VPS54: variants seen among roughly 807,000 people sequenced by gnomAD.
The protein encoded by VPS54 is VPS54 subunit of GARP complex, also known as vacuolar protein sorting-associated protein 54.
VPS54 carries 45 observed loss-of-function variants against 121.5 expected under a neutral mutation model. The observed-to-expected ratio is 0.37, with a 90% CI of 0.29 to 0.47. VPS54 has a LOEUF of 0.47. VPS54 is among the 20% of genes least tolerant of loss of function. VPS54 has a pLI of 0.99. For synonymous variants in VPS54, 371 were observed against 385.8 expected, an observed-to-expected ratio of 0.96 and a Z score of 0.45; for missense variants, 1,090 against 1,131.4, an observed-to-expected ratio of 0.96 and a Z score of 0.52.
chr2:63,909,656 G>A (rs1265240152), intron 20 of VPS54, among the ~76,000 whole-genome samples: 4 of 150,290 alleles, frequency 2.7e-5, no homozygotes, highest in Admixed American at 6.6e-5. Flanking sequence ...CTGACCTCAC[G>A]ATCCACCCAC....
chr2:63,954,708 C>T lies in VPS54; in HGVS notation c.1011-5545G>A, dbSNP rs551032877. On this transcript the variant is annotated intron_variant, in intron 7 of 22. Transcript: ENST00000272322. ...AATACACACCACTGTCTATTAGGTG[C>T]TCTTGTTAAAAAGTAAAATTTAAAG... Among the ~76,000 whole-genome samples, 23 of 152,142 alleles carry T rather than the reference C, an allele frequency of 1.5e-4. No homozygotes were observed. The South Asian group carries it at 4.6e-3, about 30-fold the overall frequency.
At chr2:63,966,814 C>A in intron 5 of VPS54, among the ~76,000 whole-genome samples, 1 of 152,210 alleles carries the variant, frequency 6.6e-6, no homozygotes, top group East Asian at 1.9e-4. Flanking sequence ...ATTCAATTCT[C>A]TTCCATACTC....
chr2:64,003,894 A>G (rs921869452), intron 1 of VPS54, among the ~76,000 whole-genome samples: 2 of 152,196 alleles, frequency 1.3e-5, no homozygotes, highest in African/African-American at 4.8e-5. Context: ...TGGTGCCCAG[A>G]CTTCTGTTTC....
At chr2:63,960,239 G>T (rs1385386938) in intron 7 of VPS54, among the ~76,000 whole-genome samples, 1 of 151,874 alleles carries the variant, frequency 6.6e-6, no homozygotes, top group Non-Finnish European at 1.5e-5. Context: ...ACCCTGTCTC[G>T]AAATAAATAC....
chr2:63,910,972 G>T (rs2104428526), intron 20 of VPS54, among the ~76,000 whole-genome samples: 1 of 152,230 alleles, frequency 6.6e-6, no homozygotes, highest in South Asian at 2.1e-4. Context: ...GCAGTGGGGT[G>T]ATCACAGCTC....
intron 7 of VPS54, among the ~76,000 whole-genome samples, chr2:63,954,083 C>T (rs1028280136): frequency 3.9e-4 from 60 of 152,136 alleles, no homozygotes; most frequent in African/African-American, 1.4e-3. Context: ...GTAGCAAGAA[C>T]ATGCCTACTA....
chr2:63,914,683 C>T (rs141410625), intron 16 of VPS54, among the ~76,000 whole-genome samples: 170 of 152,082 alleles, frequency 1.1e-3, no homozygotes, highest in African/African-American at 4.0e-3. Context: ...AAAGCCTATC[C>T]AGTGTTTCTG....
At chr2:64,004,840 A>T (rs1678049813) in intron 1 of VPS54, among the ~76,000 whole-genome samples, 1 of 152,120 alleles carries the variant, frequency 6.6e-6, no homozygotes, top group Non-Finnish European at 1.5e-5. Flanking sequence ...GTGCAGTGAC[A>T]TAATCACAGC....
intron 21 of VPS54, among the ~76,000 whole-genome samples, chr2:63,898,108 A>C (rs1185093493): frequency 6.6e-6 from 1 of 152,224 alleles, no homozygotes; most frequent in Non-Finnish European, 1.5e-5. Flanking sequence ...TAATCTATGG[A>C]AGTTTTGTGG....
At chr2:63,897,441 GATC>G (rs1672492501) in intron 22 of VPS54, 52 bp downstream of exon 22, 2 of 1,231,058 alleles carry the variant, frequency 1.6e-6, no homozygotes, top group African/African-American at 1.5e-5. Context: ...AATCAAAACT[GATC>G]ATTAAAACAA....
chr2:63,909,077 T>C (rs377092446), intron 20 of VPS54, among the ~76,000 whole-genome samples: 1 of 152,170 alleles, frequency 6.6e-6, no homozygotes, highest in East Asian at 1.9e-4. Flanking sequence ...TCATAAAACT[T>C]TCCCAGATCT....
At chr2:63,958,096 T>G (rs1168577736) in intron 7 of VPS54, among the ~76,000 whole-genome samples, 2 of 152,172 alleles carry the variant, frequency 1.3e-5, no homozygotes, top group African/African-American at 2.4e-5. Flanking sequence ...ATTCACAGAT[T>G]TCACAAATAC....
chr2:64,010,684 C>G (rs1290421361), intron 1 of VPS54, among the ~76,000 whole-genome samples: 1 of 151,912 alleles, frequency 6.6e-6, no homozygotes. Flanking sequence ...TATCATTTGA[C>G]AAAATCTAGT....
At chr2:63,927,346 C>T (rs151035560) in intron 12 of VPS54, among the ~76,000 whole-genome samples, 2,677 of 152,338 alleles carry the variant, frequency 0.018, 34 homozygotes, top group Non-Finnish European at 0.022. Context: ...TCTGCAGCCT[C>T]TGCTGGTGAT....
chr2:63,968,465 A>C (rs1300535277), intron 5 of VPS54, among the ~76,000 whole-genome samples: 1 of 151,878 alleles, frequency 6.6e-6, no homozygotes, highest in Non-Finnish European at 1.5e-5. Context: ...TAATCCCAGC[A>C]CATTGGGAGG....
chr2:63,975,142 T>C, intron 3 of VPS54: 1 of 943,550 alleles, frequency 1.1e-6, no homozygotes, highest in East Asian at 2.7e-5. Flanking sequence ...ACCTCCTGGG[T>C]CCAAGTGATT....
At chr2:63,936,253 G>GTTC (rs1559004636) in intron 11 of VPS54, among the ~76,000 whole-genome samples, 1 of 131,614 alleles carries the variant, frequency 7.6e-6, no homozygotes, top group Non-Finnish European at 1.7e-5. Flanking sequence ...TGTTTTCACC[G>GTTC]TATCTACACT....
intron 20 of VPS54, among the ~76,000 whole-genome samples, chr2:63,904,206 G>C (rs562430082): frequency 6.6e-6 from 1 of 152,030 alleles, no homozygotes; most frequent in Non-Finnish European, 1.5e-5. Context: ...TTGGAAGGCC[G>C]AGGTGGGCGG....
At chr2:63,991,632 C>G (rs932534833) in intron 1 of VPS54, among the ~76,000 whole-genome samples, 1 of 152,210 alleles carries the variant, frequency 6.6e-6, no homozygotes, top group Admixed American at 6.5e-5. Context: ...TGTTTGCTCA[C>G]GTCGTCGCAA....
Sources: allele counts gnomAD v4.1 joint callset (sites outside exome capture counted in the v4.1 genomes callset), GRCh38; gene constraint gnomAD v4.1.1; transcripts MANE v1.5; gene names NCBI Gene and HGNC (gene_info 2026-07-23, HGNC 2026-07-21).